Variants in ASAP1 observed in about 807,000 individuals in gnomAD.
ASAP1 encodes the protein arf-GAP with SH3 domain, ANK repeat and PH domain-containing protein 1.
Under a neutral mutation model 145.2 loss-of-function variants are expected in ASAP1, and 43 were observed. That is an observed-to-expected ratio of 0.30 (90% CI 0.23 to 0.38). The LOEUF (loss-of-function observed/expected upper bound fraction) is 0.38. Ranked by LOEUF, ASAP1 falls within the 10% of genes least tolerant of loss-of-function variation. ASAP1 has a pLI of 1.00. For synonymous variants in ASAP1, 546 were observed against 515.5 expected (o/e 1.06, Z -0.80); for missense variants, 1,018 against 1,355.3 (o/e 0.75, Z 3.91).
At chr8:130,371,897 T>C (rs16904256) in intron 2 of ASAP1, among the ~76,000 whole-genome samples, 25,354 of 152,198 alleles carry the variant, frequency 0.17, 2,294 homozygotes, top group Non-Finnish European at 0.21. Context: ...CTAATTTATA[T>C]AATGGGCCCA....
At chr8:130,231,020 A>G (rs1817881561) in intron 4 of ASAP1, among the ~76,000 whole-genome samples, 2 of 152,190 alleles carry the variant, frequency 1.3e-5, no homozygotes, top group Admixed American at 6.5e-5. Flanking sequence ...AAATAGCTCA[A>G]ATGAAGTTGT....
intron 3 of ASAP1, among the ~76,000 whole-genome samples, chr8:130,255,903 A>G (rs1197540611): frequency 6.6e-6 from 1 of 152,206 alleles, no homozygotes; most frequent in East Asian, 1.9e-4. Context: ...GTATCTTAAA[A>G]GGGTCCAATG....
intron 1 of ASAP1, among the ~76,000 whole-genome samples, chr8:130,438,892 C>T (rs1258481550): frequency 6.6e-6 from 1 of 152,178 alleles, no homozygotes; most frequent in Non-Finnish European, 1.5e-5. Flanking sequence ...CTCCCCAGAG[C>T]TCCCGTAACA....
chr8:130,409,121 G>A (rs928483995), intron 1 of ASAP1, among the ~76,000 whole-genome samples: 3 of 152,250 alleles, frequency 2.0e-5, no homozygotes, highest in Non-Finnish European at 4.4e-5. Context: ...AATTAGCCAG[G>A]CATGGTGGCA....
chr8:130,118,087 C>T (rs1439507518), intron 20 of ASAP1, 74 bp downstream of exon 20: 3 of 1,270,354 alleles, frequency 2.4e-6, no homozygotes, highest in African/African-American at 3.0e-5. Context: ...CCGATCTAGG[C>T]CACTGATAGG....
At chr8:130,137,769 C>G (rs2097598529) in intron 13 of ASAP1, among the ~76,000 whole-genome samples, 1 of 152,110 alleles carries the variant, frequency 6.6e-6, no homozygotes, top group Non-Finnish European at 1.5e-5. Context: ...AAAACAGACC[C>G]TATAGTATCT....
chr8:130,406,924 G>A (rs1215433500), intron 1 of ASAP1, among the ~76,000 whole-genome samples: 1 of 152,106 alleles, frequency 6.6e-6, no homozygotes, highest in Non-Finnish European at 1.5e-5. Context: ...TGTCCAGTCC[G>A]AGCTGAAATT....
intron 2 of ASAP1, among the ~76,000 whole-genome samples, chr8:130,379,265 C>T (rs2138370435): frequency 6.6e-6 from 1 of 152,300 alleles, no homozygotes; most frequent in Admixed American, 6.5e-5. Context: ...CTGGCCCTAG[C>T]ATCGCTTCTA....
At chr8:130,345,214 A>G (rs1028333803) in intron 3 of ASAP1, among the ~76,000 whole-genome samples, 2 of 152,228 alleles carry the variant, frequency 1.3e-5, no homozygotes, top group African/African-American at 2.4e-5. Context: ...CAGGGCACCA[A>G]CTGCTCATAA....
At chr8:130,294,461 G>A (rs1586771762) in intron 3 of ASAP1, among the ~76,000 whole-genome samples, 1 of 152,202 alleles carries the variant, frequency 6.6e-6, no homozygotes, top group Non-Finnish European at 1.5e-5. Context: ...ACAGACCTGG[G>A]TTTGAATCCC....
chr8:130,058,687 A>G (rs2097410131), intron 28 of ASAP1, among the ~76,000 whole-genome samples: 1 of 152,226 alleles, frequency 6.6e-6, no homozygotes, highest in Admixed American at 6.5e-5. Flanking sequence ...CAAATAGAAA[A>G]GTGAAAATAG....
intron 13 of ASAP1, among the ~76,000 whole-genome samples, chr8:130,138,836 CAA>C (rs754901058): frequency 1.1e-4 from 9 of 81,408 alleles, no homozygotes; most frequent in Admixed American, 1.4e-4. Context: ...AACTCCGTCT[CAA>C]AAAAAAAAAA....
chr8:130,123,961 A>G, intron 18 of ASAP1, 52 bp downstream of exon 18: 1 of 1,400,814 alleles, frequency 7.1e-7, no homozygotes. Flanking sequence ...GGAAGGGTAG[A>G]AAAACAATTA....
chr8:130,309,875 T>A (rs1336590118), intron 3 of ASAP1, among the ~76,000 whole-genome samples: 1 of 152,094 alleles, frequency 6.6e-6, no homozygotes, highest in Non-Finnish European at 1.5e-5. Context: ...TTTCCTAGGT[T>A]TAGTTGAAAA....
intron 17 of ASAP1, among the ~76,000 whole-genome samples, chr8:130,124,983 T>C (rs942848267): frequency 1.3e-5 from 2 of 152,208 alleles, no homozygotes; most frequent in African/African-American, 4.8e-5. Context: ...GAATGTCTTG[T>C]ATTGTGCATA....
intron 13 of ASAP1, among the ~76,000 whole-genome samples, chr8:130,145,479 G>A (rs1023952850): frequency 4.6e-5 from 7 of 151,980 alleles, no homozygotes; most frequent in Admixed American, 3.9e-4. Context: ...CACCACACCC[G>A]GCTACTTTTC....
At chr8:130,211,094 T>G (rs116613409) in intron 5 of ASAP1, among the ~76,000 whole-genome samples, 136 of 152,312 alleles carry the variant, frequency 8.9e-4, no homozygotes, top group African/African-American at 2.9e-3. Context: ...CCAAAACCCA[T>G]GATCCTCCAA....
intron 3 of ASAP1, among the ~76,000 whole-genome samples, chr8:130,316,760 G>C (rs889007780): frequency 1.3e-5 from 2 of 152,216 alleles, no homozygotes; most frequent in African/African-American, 2.4e-5. Flanking sequence ...TGGCATTCCA[G>C]GCCTATGTCT....
At chr8:130,281,920 G>A (rs1388085139) in intron 3 of ASAP1, among the ~76,000 whole-genome samples, 1 of 152,050 alleles carries the variant, frequency 6.6e-6, no homozygotes, top group Admixed American at 6.6e-5. Flanking sequence ...CAAAAAGTTA[G>A]CGGGGCAAGG....
Sources: allele counts gnomAD v4.1 joint callset (sites outside exome capture counted in the v4.1 genomes callset), GRCh38; gene constraint gnomAD v4.1.1; transcripts MANE v1.5; gene names NCBI Gene and HGNC (gene_info 2026-07-23, HGNC 2026-07-21).